Variants in CELF2 observed in about 807,000 individuals in gnomAD.
The protein encoded by CELF2 is CUG triplet repeat RNA-binding protein 2.
A neutral mutation model predicts 62.6 loss-of-function variants in CELF2; 8 were observed. That is an observed-to-expected ratio of 0.13 (90% CI 0.07 to 0.23). The LOEUF (loss-of-function observed/expected upper bound fraction) is 0.23, where lower values mean the gene tolerates loss of function less well. Among genes scored for constraint, CELF2 ranks in the 10% least tolerant of loss-of-function variants. The pLI is 1.00. For synonymous variants in CELF2, 258 were observed against 250.0 expected (o/e 1.03, Z -0.30); for missense variants, 333 against 671.0 (o/e 0.50, Z 5.56).
chr10:10,637,669 T>A, the CELF2 span, among the ~76,000 whole-genome samples: 1 of 152,136 alleles, frequency 6.6e-6, no homozygotes, highest in Non-Finnish European at 1.5e-5. Flanking sequence ...AGGCACAGGA[T>A]CCCAACGGTC....
chr10:10,884,838 G>A (rs1183099889), intron 1 of CELF2, among the ~76,000 whole-genome samples: 1 of 152,190 alleles, frequency 6.6e-6, no homozygotes, highest in East Asian at 1.9e-4. Context: ...TTTTTGTGTT[G>A]AGTGATTATT....
chr10:10,556,210 G>A, the CELF2 span, among the ~76,000 whole-genome samples: 1 of 151,872 alleles, frequency 6.6e-6, no homozygotes, highest in Non-Finnish European at 1.5e-5. Flanking sequence ...AGTCCCCAGA[G>A]TGTGATATTC....
chr10:11,056,465 A>G (rs2065262293), intron 1 of CELF2, among the ~76,000 whole-genome samples: 1 of 152,236 alleles, frequency 6.6e-6, no homozygotes, highest in Non-Finnish European at 1.5e-5. Flanking sequence ...ACTGTAAGAT[A>G]AAGAGAATTG....
rs144163825 is a variant in CELF2, at chr10:10,956,291, A to G, written c.89+36292A>G. Among the ~76,000 whole-genome samples, 261 of 152,366 alleles carry G rather than the reference A, an allele frequency of 1.7e-3. 1 individual carries two copies. Among genetic ancestry groups the G allele is most frequent in the African/African-American group, 5.8e-3 (240 of 41,592 alleles). On this transcript the variant is annotated intron_variant, in intron 2 of 13. Transcript: ENST00000636488. The stretch of plus-strand genomic sequence containing the variant: ...TATCTCTGCTCTATTTCTTCAAGAG[A>G]GTGCCATAATCAAAATGTTAGGGCT...
the CELF2 span, among the ~76,000 whole-genome samples, chr10:10,494,462 C>G: frequency 6.6e-6 from 1 of 152,224 alleles, no homozygotes; most frequent in African/African-American, 2.4e-5. Context: ...TCTCTTAATA[C>G]TGTAGCCAGT....
Position 10,947,068 on chromosome 10 carries a change from C to T in CELF2, c.89+27069C>T, listed in dbSNP as rs1019499464. 1 of 152,218 alleles carries T rather than the reference C, an allele frequency of 6.6e-6. No individual in the cohort carries two copies. Among genetic ancestry groups the T allele is most frequent in the African/African-American group, 2.4e-5 (1 of 41,446 alleles). 9.4% of individuals were successfully genotyped at this position (152,218 alleles called of 1,614,324 possible). On this transcript the variant is annotated intron_variant, in intron 2 of 13. Transcript: ENST00000636488. This position sits in a 1 kb window ranked among gnomAD's most constrained non-coding sequence, Gnocchi z 4.1. Reference sequence around the variant, plus strand: ...GTGGTGTTTTCCATTGCATAGGCATCTTTAGAATGTGCAGTGCATGTCACA... The same window carrying T: ...GTGGTGTTTTCCATTGCATAGGCATTTTTAGAATGTGCAGTGCATGTCACA...
At position 10,938,404 on chromosome 10, in the gene CELF2, G is replaced by A. The variant is rs1388154154; in HGVS notation, c.89+18405G>A. ...CAAGAGCATTGTATTTTGGGCATCAGATGATAATTCTTTCAGAGAATATGC... is the reference window on the plus strand; with the variant it reads ...CAAGAGCATTGTATTTTGGGCATCAAATGATAATTCTTTCAGAGAATATGC... On this transcript the variant is annotated intron_variant, in intron 2 of 13. Transcript: ENST00000636488. The surrounding 1 kb of genome is among the most constrained non-coding windows in gnomAD (Gnocchi z 4.2). Among the ~76,000 whole-genome samples the A allele has an allele frequency of 2.6e-5, 4 of 152,216 alleles. No individual in the cohort carries two copies. Among genetic ancestry groups the A allele is most frequent in the East Asian group, 1.9e-4 (1 of 5,198 alleles).
chr10:10,657,789 G>T, the CELF2 span, among the ~76,000 whole-genome samples: 39 of 152,120 alleles, frequency 2.6e-4, no homozygotes, highest in African/African-American at 9.4e-4. Flanking sequence ...CTTAAGTTCA[G>T]TTGGGGATAC....
At position 11,260,842 on chromosome 10, in the gene CELF2, G is replaced by A. The variant is rs182024255; in HGVS notation, c.538+2970G>A. 6.6e-6 allele frequency among the ~76,000 whole-genome samples: 1 copy of A among 152,142 alleles called. No individual in the cohort carries two copies. Among genetic ancestry groups the A allele is most frequent in the African/African-American group, 2.4e-5 (1 of 41,430 alleles). ...CTCCTGGCTACAGGGGCCTGCTCCTGAATCAGTGTATTTGTTAAAAGCACA... is the reference window on the plus strand; with the variant it reads ...CTCCTGGCTACAGGGGCCTGCTCCTAAATCAGTGTATTTGTTAAAAGCACA... On this transcript the variant is annotated intron_variant, in intron 5 of 12. Transcript: ENST00000633077. The surrounding 1 kb of genome is among the most constrained non-coding windows in gnomAD (Gnocchi z 4.2).
intron 1 of CELF2, among the ~76,000 whole-genome samples, chr10:10,801,890 G>T (rs2054699308): frequency 6.6e-6 from 1 of 152,130 alleles, no homozygotes; most frequent in Non-Finnish European, 1.5e-5. Context: ...CCTTTCTCAA[G>T]AACTGTCTAT....
intron 1 of CELF2, among the ~76,000 whole-genome samples, chr10:11,124,477 T>C (rs1022565486): frequency 5.9e-5 from 9 of 152,204 alleles, no homozygotes; most frequent in South Asian, 2.1e-4. Flanking sequence ...AAGATGAATG[T>C]AATAAACTTG....
chr10:10,877,106 C>CTTAAACAAG (rs2061148191), intron 1 of CELF2, among the ~76,000 whole-genome samples: 1 of 152,192 alleles, frequency 6.6e-6, no homozygotes, highest in Admixed American at 6.5e-5. Context: ...GTAGACTTGC[C>CTTAAACAAG]TTAAACAAGT....
At chr10:10,639,653 A>G in the CELF2 span, among the ~76,000 whole-genome samples, 6 of 152,238 alleles carry the variant, frequency 3.9e-5, no homozygotes. Flanking sequence ...GAGGTCTGGG[A>G]AGTCCCTGAT....
At chr10:10,822,592 C>T (rs954413050) in intron 1 of CELF2, among the ~76,000 whole-genome samples, 4 of 152,170 alleles carry the variant, frequency 2.6e-5, no homozygotes, top group Admixed American at 6.5e-5. Context: ...GTTTGAAGAA[C>T]CTCTGGGGAA....
At chr10:10,921,947 C>G (rs1012838182) in intron 2 of CELF2, among the ~76,000 whole-genome samples, 3 of 152,108 alleles carry the variant, frequency 2.0e-5, no homozygotes, top group African/African-American at 7.2e-5. Context: ...AAGTAGAAAT[C>G]AAGAGAATCT....
At chr10:10,984,721 T>A (rs1371296487) in intron 2 of CELF2, among the ~76,000 whole-genome samples, 1 of 152,192 alleles carries the variant, frequency 6.6e-6, no homozygotes, top group East Asian at 1.9e-4. Flanking sequence ...TTAAGGGGAT[T>A]CACCACCATT....
the CELF2 span, among the ~76,000 whole-genome samples, chr10:10,501,324 T>C: frequency 6.6e-6 from 1 of 152,190 alleles, no homozygotes; most frequent in Non-Finnish European, 1.5e-5. Context: ...TGGTAGTTCT[T>C]TGTGGTTTTA....
At chr10:10,528,428 A>T in the CELF2 span, among the ~76,000 whole-genome samples, 2 of 152,156 alleles carry the variant, frequency 1.3e-5, no homozygotes, top group South Asian at 4.1e-4. Flanking sequence ...CTGCAAAACA[A>T]ACAGCACCTA....
chr10:10,950,715 C>A (rs777084982), intron 2 of CELF2, among the ~76,000 whole-genome samples: 2 of 152,198 alleles, frequency 1.3e-5, no homozygotes, highest in Non-Finnish European at 2.9e-5. Flanking sequence ...TTGCAACTTT[C>A]CTGATTAAAT....
Sources: allele counts gnomAD v4.1 joint callset (sites outside exome capture counted in the v4.1 genomes callset), GRCh38; gene constraint gnomAD v4.1.1; non-coding constraint Gnocchi (gnomAD v3.1); transcripts MANE v1.5; gene names NCBI Gene and HGNC (gene_info 2026-07-23, HGNC 2026-07-21).